CNTNAP2: variants seen among roughly 807,000 people sequenced by gnomAD.
CNTNAP2 encodes the protein contactin associated protein 2.
A neutral mutation model predicts 155.2 loss-of-function variants in CNTNAP2; 98 were observed. The ratio of observed to expected loss-of-function variants is 0.63; its 90% CI spans 0.54 to 0.75. The LOEUF (loss-of-function observed/expected upper bound fraction) is 0.75. Ranked by LOEUF, CNTNAP2 falls within the 30% of genes least tolerant of loss-of-function variation. CNTNAP2 has a pLI of 0.00. For synonymous variants in CNTNAP2, 651 were observed against 631.2 expected (o/e 1.03, Z -0.47); for missense variants, 1,727 against 1,688.1 (o/e 1.02, Z -0.40).
chr7:146,782,279 A>G (rs890230659), intron 2 of CNTNAP2: 1 of 152,234 alleles, frequency 6.6e-6, no homozygotes, highest in Non-Finnish European at 1.5e-5. Context: ...GCCTTATAAA[A>G]GCACATCCTT....
chr7:146,775,160 G>A (rs1455434686), intron 2 of CNTNAP2, among the ~76,000 whole-genome samples: 1 of 152,084 alleles, frequency 6.6e-6, no homozygotes, highest in Non-Finnish European at 1.5e-5. Context: ...GGGCTTCGGT[G>A]GAGAGGGAGA....
intron 14 of CNTNAP2, among the ~76,000 whole-genome samples, chr7:147,940,457 T>A (rs933171813): frequency 1.3e-5 from 2 of 152,088 alleles, no homozygotes; most frequent in African/African-American, 4.8e-5. Flanking sequence ...ATCAATACAA[T>A]CTTCAAACCC....
At chr7:146,117,269 T>C in intron 1 of CNTNAP2, 1 of 405,236 alleles carries the variant, frequency 2.5e-6, no homozygotes, top group South Asian at 3.9e-5. Flanking sequence ...TCTTAGGAGT[T>C]GTTTGTGCAG....
At chr7:146,798,822 G>A (rs1047986188) in intron 2 of CNTNAP2, among the ~76,000 whole-genome samples, 1 of 152,028 alleles carries the variant, frequency 6.6e-6, no homozygotes, top group African/African-American at 2.4e-5. Flanking sequence ...CTAGCAAAAA[G>A]CAAATTATAA....
At chr7:147,228,424 G>T (rs1047786381) in intron 8 of CNTNAP2, among the ~76,000 whole-genome samples, 2 of 152,098 alleles carry the variant, frequency 1.3e-5, no homozygotes, top group Non-Finnish European at 2.9e-5. Flanking sequence ...GGGGAAAGGG[G>T]CTATAAGATC....
At chr7:147,480,539 T>C (rs1798402524) in intron 10 of CNTNAP2, among the ~76,000 whole-genome samples, 1 of 152,212 alleles carries the variant, frequency 6.6e-6, no homozygotes, top group Admixed American at 6.5e-5. Flanking sequence ...TTATATGAAG[T>C]CTACAGTCAG....
intron 1 of CNTNAP2, among the ~76,000 whole-genome samples, chr7:146,229,393 C>G (rs746967054): frequency 6.6e-6 from 1 of 152,126 alleles, no homozygotes; most frequent in Non-Finnish European, 1.5e-5. Context: ...GCAGATGCTA[C>G]GAGGACACCC....
rs574657047 is a variant in CNTNAP2, at chr7:147,615,949, G to C, written c.1898-23157G>C. Reference sequence around the variant, plus strand: ...CCGCCTCCTGGTCTACCTAGTCTTGGTCTCTTTATTGGCTCTTCTATTTCC... The same window carrying C: ...CCGCCTCCTGGTCTACCTAGTCTTGCTCTCTTTATTGGCTCTTCTATTTCC... On this transcript the variant is annotated intron_variant, in intron 12 of 23. Coordinates refer to ENST00000361727, the MANE Select transcript of CNTNAP2 (RefSeq NM_014141.6). Among the ~76,000 whole-genome samples, 4 of 152,028 alleles carry C rather than the reference G, an allele frequency of 2.6e-5. No individual in the cohort carries two copies. The South Asian group carries it at 8.3e-4, about 32-fold the overall frequency.
chr7:146,186,494 G>A lies in CNTNAP2; in HGVS notation c.97+69521G>A, dbSNP rs531746660. Among the ~76,000 whole-genome samples the A allele has an allele frequency of 2.0e-4, 31 of 152,204 alleles. No homozygotes were observed. The South Asian group carries it at 5.8e-3, about 29-fold the overall frequency. On this transcript the variant is annotated intron_variant, in intron 1 of 23. Coordinates refer to ENST00000361727, the MANE Select transcript of CNTNAP2 (RefSeq NM_014141.6). ...ATTGAAGTCTACATTCAATAGGTAT[G>A]AATCATAAACTATTCAATTGAATCT...
At chr7:148,294,112 G>C (rs1279703261) in intron 21 of CNTNAP2, among the ~76,000 whole-genome samples, 1 of 150,540 alleles carries the variant, frequency 6.6e-6, no homozygotes, top group Non-Finnish European at 1.5e-5. Flanking sequence ...AAAGCAGGCG[G>C]TGTTTCCTAT....
At chr7:146,549,517 A>T (rs1798082510) in intron 1 of CNTNAP2, among the ~76,000 whole-genome samples, 1 of 152,108 alleles carries the variant, frequency 6.6e-6, no homozygotes, top group Non-Finnish European at 1.5e-5. Flanking sequence ...GTTTAGGCTA[A>T]GTCACTTGAA....
chr7:146,143,001 T>A (rs916901355), intron 1 of CNTNAP2, among the ~76,000 whole-genome samples: 2 of 152,200 alleles, frequency 1.3e-5, no homozygotes, highest in Non-Finnish European at 2.9e-5. Context: ...TTTTTCCTTT[T>A]AGGGAATAAA....
chr7:146,370,259 T>TAAA (rs1563058188), intron 1 of CNTNAP2, among the ~76,000 whole-genome samples: 1 of 117,832 alleles, frequency 8.5e-6, no homozygotes, highest in African/African-American at 4.5e-5. Context: ...CATCTCTACT[T>TAAA]TAAAAAAAAA....
chr7:147,547,247 A>G (rs1226684541), intron 11 of CNTNAP2, among the ~76,000 whole-genome samples: 3 of 152,126 alleles, frequency 2.0e-5, no homozygotes, highest in East Asian at 1.9e-4. Context: ...GCAATAATTG[A>G]TATTATTTAT....
intron 14 of CNTNAP2, among the ~76,000 whole-genome samples, chr7:147,922,812 A>G (rs2538999): frequency 0.67 from 101,140 of 152,090 alleles, 35,056 homozygotes; most frequent in African/African-American, 0.84. Context: ...GTGGTTTTGA[A>G]TTGTTAGTAA....
chr7:148,005,871 A>G (rs947271085), intron 15 of CNTNAP2, among the ~76,000 whole-genome samples: 3 of 152,144 alleles, frequency 2.0e-5, no homozygotes, highest in African/African-American at 7.2e-5. Context: ...AGTTGCCAAT[A>G]TTCTCTAAGA....
intron 13 of CNTNAP2, among the ~76,000 whole-genome samples, chr7:147,755,026 AG>A (rs1797194901): frequency 1.3e-5 from 2 of 152,350 alleles, no homozygotes; most frequent in African/African-American, 2.4e-5. Flanking sequence ...ATGTTCCCTG[AG>A]ATCTTTACAT....
At chr7:147,590,832 A>G (rs919247967) in intron 12 of CNTNAP2, among the ~76,000 whole-genome samples, 2 of 152,220 alleles carry the variant, frequency 1.3e-5, no homozygotes, top group Non-Finnish European at 2.9e-5. Flanking sequence ...TGATAGAACA[A>G]CACAAGTTGA....
intron 1 of CNTNAP2, among the ~76,000 whole-genome samples, chr7:146,677,881 G>A (rs765198587): frequency 1.3e-5 from 2 of 152,012 alleles, no homozygotes; most frequent in African/African-American, 2.4e-5. Context: ...GTGGGTGCAG[G>A]GGTTGGGATG....
Sources: allele counts gnomAD v4.1 joint callset (sites outside exome capture counted in the v4.1 genomes callset), GRCh38; gene constraint gnomAD v4.1.1; transcripts MANE v1.5; gene names NCBI Gene and HGNC (gene_info 2026-07-23, HGNC 2026-07-21).